Variants in DISP3 observed in about 807,000 individuals in gnomAD.
DISP3 encodes dispatched RND transporter family member 3.
In DISP3, 101 loss-of-function variants were observed where a neutral mutation model predicts 135.3. The observed-to-expected ratio is 0.75, with a 90% CI of 0.64 to 0.88. The LOEUF (loss-of-function observed/expected upper bound fraction) is 0.88. DISP3 is among the 40% of genes least tolerant of loss of function. DISP3 has a pLI of 0.00. For synonymous variants in DISP3, 856 were observed against 817.0 expected (o/e 1.05, Z -0.81); for missense variants, 1,713 against 1,878.6 (o/e 0.91, Z 1.63).
rs1319800992 is a variant in DISP3, at chr1:11,491,508, G to T, written c.-3-9482G>T. Among the ~76,000 whole-genome samples, 2 of 152,160 alleles carry T rather than the reference G, an allele frequency of 1.3e-5. No individual in the cohort carries two copies. Among genetic ancestry groups the T allele is most frequent in the Non-Finnish European group, 2.9e-5 (2 of 68,024 alleles). On this transcript the variant is annotated intron_variant, in intron 1 of 20. Coordinates refer to ENST00000294484, the MANE Select transcript of DISP3 (RefSeq NM_020780.2). The surrounding 1 kb of genome is among the most constrained non-coding windows in gnomAD (Gnocchi z 4.3). ...CACCTGTAGTCTCAGCTACTTGGGA[G>T]GCTGAGCGGGGAGGACCACTCGAGC...
chr1:11,516,095 A>C lies in DISP3; in HGVS notation c.1683A>C (p.Ala561=). 6.2e-7 allele frequency: 1 copy of C among 1,614,180 alleles called. No individual in the cohort carries two copies. The highest frequency in any genetic ancestry group is 8.5e-7 in the Non-Finnish European group (1 of 1,180,022). The change falls in exon 6 of 21, where the codon GCA becomes GCC. Residue 561 remains alanine (A), a synonymous_variant. Coordinates refer to ENST00000294484, the MANE Select transcript of DISP3 (RefSeq NM_020780.2). This position sits in a 1 kb window ranked among gnomAD's most constrained non-coding sequence, Gnocchi z 5.1. ...GCATGATCCACACCGTCCAAACTGCAGGCAAGGCCACCTTCTTCACCTCCC... is the reference window on the plus strand; with the variant it reads ...GCATGATCCACACCGTCCAAACTGCCGGCAAGGCCACCTTCTTCACCTCCC... The part of the protein sequence containing the change: ...QLRMIHTVQT[A]GKATFFTSLT...
chr1:11,516,153 T>A lies in DISP3; in HGVS notation c.1741T>A (p.Phe581Ile). ...TTAAAYAANV[F>I]SQIPAVHDFG... ...AGCCGCCGCCTACGCAGCTAACGTCTTCTCCCAGGTGCGGACCTGTCCTCC... is the reference window on the plus strand; with the variant it reads ...AGCCGCCGCCTACGCAGCTAACGTCATCTCCCAGGTGCGGACCTGTCCTCC... The change falls in exon 6 of 21, where the codon TTC (phenylalanine) becomes ATC (isoleucine). Residue 581 changes from phenylalanine (F) to isoleucine (I), a missense_variant. Phe to Ile is a conservative substitution (Grantham distance 21, BLOSUM62 0). Around this residue, in one of 2 missense-constraint regions of DISP3, gnomAD observed 1,142 missense variants for 1,384.6 expected, o/e 0.82. Coordinates refer to ENST00000294484, the MANE Select transcript of DISP3 (RefSeq NM_020780.2). This position sits in a 1 kb window ranked among gnomAD's most constrained non-coding sequence, Gnocchi z 5.1. 1 of 1,613,828 alleles carries A rather than the reference T, an allele frequency of 6.2e-7. No homozygotes were observed. The highest frequency in any genetic ancestry group is 8.5e-7 in the Non-Finnish European group (1 of 1,179,820).
In DISP3 at chr1:11,536,953, C is replaced by A; in HGVS notation, c.*267C>A. 1 of 519,360 alleles carries A rather than the reference C, an allele frequency of 1.9e-6. No individual in the cohort carries two copies. Among genetic ancestry groups the A allele is most frequent in the South Asian group, 2.9e-5 (1 of 34,652 alleles). 32.2% of individuals were successfully genotyped at this position (519,360 alleles called of 1,614,324 possible). A position where few individuals can be genotyped will look rare whatever the true frequency, so the allele number is the denominator to read the frequency against. ...GTGGCAGAAGAGACCAGCCCTCCTC[C>A]CATGCCCGGTCACCATGGGGGTCAG... On this transcript the variant is annotated 3_prime_UTR_variant, in exon 21 of 21. Transcript: ENST00000294484. The surrounding 1 kb of genome is among the most constrained non-coding windows in gnomAD (Gnocchi z 4.3).
chr1:11,535,146 A>C (rs2235662), intron 19 of DISP3, 22 bp downstream of exon 19: 1 of 1,573,168 alleles, frequency 6.4e-7, no homozygotes, highest in Admixed American at 1.8e-5. Flanking sequence ...AGGGGCTGGC[A>C]GGCACCCTGC....
At chr1:11,489,769 A>G (rs1024453061) in intron 1 of DISP3, among the ~76,000 whole-genome samples, 5 of 152,092 alleles carry the variant, frequency 3.3e-5, no homozygotes, top group African/African-American at 1.2e-4. Flanking sequence ...CCTTGGGGCC[A>G]CTTCTGCTGC....
At chr1:11,522,969 GACCCAGCCGGA>G (rs1642289358) in intron 10 of DISP3, among the ~76,000 whole-genome samples, 1 of 84,156 alleles carries the variant, frequency 1.2e-5, no homozygotes. Context: ...ACCCAGCCAG[GACCCAGCCGGA>G]GCCCAGCCAG....
intron 13 of DISP3, 73 bp downstream of exon 13, chr1:11,526,908 C>A: frequency 6.7e-7 from 1 of 1,494,818 alleles, no homozygotes; most frequent in Non-Finnish European, 9.0e-7. Context: ...TCTTTTCTCT[C>A]TCTTTTCACA....
intron 3 of DISP3, among the ~76,000 whole-genome samples, chr1:11,508,853 T>C (rs1410555266): frequency 6.6e-6 from 1 of 152,214 alleles, no homozygotes; most frequent in Non-Finnish European, 1.5e-5. Flanking sequence ...TACCCTATTG[T>C]GCTACCCATT....
At chr1:11,521,116 C>T (rs949652489) in intron 10 of DISP3, among the ~76,000 whole-genome samples, 3 of 152,030 alleles carry the variant, frequency 2.0e-5, no homozygotes, top group African/African-American at 7.3e-5. Flanking sequence ...GGCCCGGTCA[C>T]TGTAATAGTA....
chr1:11,497,677 C>T (rs1360627102), intron 1 of DISP3, among the ~76,000 whole-genome samples: 3 of 152,314 alleles, frequency 2.0e-5, no homozygotes, highest in African/African-American at 4.8e-5. Context: ...CATGAGCCAC[C>T]GCACCCGGCC....
intron 17 of DISP3, 112 bp from the exon 18 acceptor site, chr1:11,534,269 C>A: frequency 1.5e-6 from 2 of 1,328,476 alleles, no homozygotes; most frequent in Admixed American, 3.6e-5. Flanking sequence ...TCACACCCTC[C>A]CCAACACACG....
In DISP3 at chr1:11,499,616, G is replaced by A. The variant is rs1332582515; in HGVS notation, c.-3-1374G>A. Reference sequence around the variant, plus strand: ...CTCTCTCCTGCAAGTCTTCCGCTGCGCACCCCTCCTCTCCCCCACATCCTC... The same window carrying A: ...CTCTCTCCTGCAAGTCTTCCGCTGCACACCCCTCCTCTCCCCCACATCCTC... On this transcript the variant is annotated intron_variant, in intron 1 of 20. Coordinates refer to ENST00000294484, the MANE Select transcript of DISP3 (RefSeq NM_020780.2). The surrounding 1 kb of genome is among the most constrained non-coding windows in gnomAD (Gnocchi z 5.2). 6.6e-6 allele frequency among the ~76,000 whole-genome samples: 1 copy of A among 151,948 alleles called. No individual in the cohort carries two copies. Among genetic ancestry groups the A allele is most frequent in the Non-Finnish European group, 1.5e-5 (1 of 67,964 alleles).
At position 11,483,131 on chromosome 1, in the gene DISP3, C is replaced by T. The variant is rs1401204770; in HGVS notation, c.-4+3759C>T. Among the ~76,000 whole-genome samples, 1 of 152,234 alleles carries T rather than the reference C, an allele frequency of 6.6e-6. No individual in the cohort carries two copies. The highest frequency in any genetic ancestry group is 2.4e-5 in the African/African-American group (1 of 41,458). On this transcript the variant is annotated intron_variant, in intron 1 of 20. Transcript: ENST00000294484. This position sits in a 1 kb window ranked among gnomAD's most constrained non-coding sequence, Gnocchi z 5.4. ...GCGGCAGAGCCTCCCCCAGTGAGCT[C>T]ACTCTCTGCCTGGCCGCTGGGAGAC...
At position 11,525,300 on chromosome 1, in the gene DISP3, G is replaced by T; in HGVS notation, c.2601G>T (p.Val867=). The change falls in exon 12 of 21, where the codon GTG becomes GTT. Residue 867 remains valine, a synonymous_variant. Coordinates refer to ENST00000294484, the MANE Select transcript of DISP3 (RefSeq NM_020780.2). The stretch of plus-strand genomic sequence containing the variant: ...CTGTGTCGCCTGGGGATGGAGAGGT[G>T]CCCTCCTTCCAGGTGAGCCTGGGCT... ...WQAVSPGDGE[V]PSFQVYRAPF... 6.2e-7 allele frequency: 1 copy of T among 1,613,588 alleles called. No individual in the cohort carries two copies.
chr1:11,531,558 C>A lies in DISP3; in HGVS notation c.3230-7C>A. On this transcript the variant is annotated splice_polypyrimidine_tract_variant and splice_region_variant and intron_variant, in intron 16 of 20. Coordinates refer to ENST00000294484, the MANE Select transcript of DISP3 (RefSeq NM_020780.2). This position sits in a 1 kb window ranked among gnomAD's most constrained non-coding sequence, Gnocchi z 5.2. ...CCACGCACTCCCTTTCTTGCCTCTC[C>A]CCGCAGGCTACAGCATCTCCTCCTT... 6.2e-7 allele frequency: 1 copy of A among 1,613,352 alleles called. No individual in the cohort carries two copies. Among genetic ancestry groups the A allele is most frequent in the Non-Finnish European group, 8.5e-7 (1 of 1,179,948 alleles).
intron 1 of DISP3, among the ~76,000 whole-genome samples, chr1:11,497,489 G>A (rs1036578740): frequency 6.6e-6 from 1 of 152,040 alleles, no homozygotes; most frequent in Non-Finnish European, 1.5e-5. Flanking sequence ...CCCAGGTTCA[G>A]GCCATTCTCT....
Position 11,501,271 on chromosome 1 carries a change from C to T in DISP3, c.279C>T (p.Phe93=). 1 of 1,614,166 alleles carries T rather than the reference C, an allele frequency of 6.2e-7. No individual in the cohort carries two copies. The highest frequency in any genetic ancestry group is 1.3e-5 in the African/African-American group (1 of 75,054). Residue 93 remains phenylalanine (F), a synonymous_variant, in exon 2 of 21, where the codon TTC becomes TTT. Coordinates refer to ENST00000294484, the MANE Select transcript of DISP3 (RefSeq NM_020780.2). The surrounding 1 kb of genome is among the most constrained non-coding windows in gnomAD (Gnocchi z 4.9). The stretch of plus-strand genomic sequence containing the variant: ...CCATGGCCCTGTCAGCCTTCATGTT[C>T]CTTTACTACCCACCGCTGGACATTG... The part of the protein sequence containing the change: ...SIPMALSAFM[F]LYYPPLDIDI...
In DISP3 at chr1:11,515,724, G is replaced by A. The variant is rs371807136; in HGVS notation, c.1588+221G>A. ...AGGTTTGCTGGATGGAGGTGAGGATGGTGGGAAAGGCCCAGGAAGTGTGGG... is the reference window on the plus strand; with the variant it reads ...AGGTTTGCTGGATGGAGGTGAGGATAGTGGGAAAGGCCCAGGAAGTGTGGG... On this transcript the variant is annotated intron_variant, in intron 5 of 20. Coordinates refer to ENST00000294484, the MANE Select transcript of DISP3 (RefSeq NM_020780.2). Among the ~76,000 whole-genome samples the A allele has an allele frequency of 1.6e-4, 24 of 152,284 alleles. No individual in the cohort carries two copies. In the East Asian group the frequency reaches 4.1e-3, roughly 26 times the overall value.
chr1:11,512,810 A>C (rs1641893891), intron 3 of DISP3, among the ~76,000 whole-genome samples: 1 of 152,182 alleles, frequency 6.6e-6, no homozygotes, highest in African/African-American at 2.4e-5. Flanking sequence ...GAACAAAAAG[A>C]GGTTTAATCA....
Sources: gnomAD v4.1 joint callset for allele counts (sites outside exome capture counted in the v4.1 genomes callset) on GRCh38, gnomAD v4.1.1 for gene constraint, gnomAD v4.1.1 regional missense constraint, Gnocchi (gnomAD v3.1) non-coding constraint, MANE v1.5 for transcripts, NCBI Gene and HGNC (gene_info 2026-07-23, HGNC 2026-07-21) for gene names.